NEXMIF: variants seen among roughly 807,000 people sequenced by gnomAD.
NEXMIF encodes the protein neurite extension and migration factor.
In NEXMIF, 8 loss-of-function variants were observed where a neutral mutation model predicts 62.1. That is an observed-to-expected ratio of 0.13 (90% CI 0.08 to 0.23). NEXMIF has a LOEUF of 0.23. Ranked by LOEUF, NEXMIF falls within the 10% of genes least tolerant of loss-of-function variation. NEXMIF has a pLI of 1.00. For synonymous variants in NEXMIF, 404 were observed against 416.6 expected (o/e 0.97, Z 0.37); for missense variants, 976 against 1,113.3 (o/e 0.88, Z 1.75).
At chrX:74,750,208 C>T (rs2080137936) in intron 1 of NEXMIF, among the ~76,000 whole-genome samples, 2 of 111,369 alleles carry the variant, frequency 1.8e-5, no homozygotes, top group Non-Finnish European at 3.8e-5. Flanking sequence ...CATAGGTGTG[C>T]TGTATAGACC....
At chrX:74,823,887 G>A (rs2080405870) in intron 1 of NEXMIF, among the ~76,000 whole-genome samples, 1 of 111,584 alleles carries the variant, frequency 9.0e-6, no homozygotes, top group Non-Finnish European at 1.9e-5. Context: ...CAAATTTTCT[G>A]TAAGTCCTAA....
Position 74,742,611 on chromosome X carries a change from C to T in NEXMIF, c.1946G>A (p.Ser649Asn). The change falls in exon 3 of 4, where the codon AGT (serine) becomes AAT (asparagine). Residue 649 changes from serine (S) to asparagine (N), a missense_variant. Coordinates refer to ENST00000055682, the MANE Select transcript of NEXMIF (RefSeq NM_001008537.3). ...ATTACATAATGAAATCTGTTTACTA[C>T]TTGCTGAAATTTCAATGGATGGGAT... ...QRIPSIEISA[S>N]SKQISLCNDQ... 1 of 1,211,176 alleles carries T rather than the reference C, an allele frequency of 8.3e-7. No homozygotes were observed. The highest frequency in any genetic ancestry group is 1.1e-6 in the Non-Finnish European group (1 of 895,128).
intron 1 of NEXMIF, among the ~76,000 whole-genome samples, chrX:74,899,786 G>T (rs1339977177): frequency 9.0e-6 from 1 of 111,474 alleles, no homozygotes; most frequent in Non-Finnish European, 1.9e-5. Flanking sequence ...TAATCTTGGG[G>T]GGAAAGAACA....
intron 1 of NEXMIF, among the ~76,000 whole-genome samples, chrX:74,756,537 G>C (rs1262364673): frequency 1.8e-5 from 2 of 111,252 alleles, no homozygotes; most frequent in African/African-American, 6.6e-5. Flanking sequence ...CCAGGAGCAA[G>C]GGAAAGGATA....
intron 1 of NEXMIF, among the ~76,000 whole-genome samples, chrX:74,872,243 C>G (rs1432010697): frequency 9.0e-6 from 1 of 111,065 alleles, no homozygotes; most frequent in East Asian, 2.8e-4. Context: ...GCTACTGGGC[C>G]ATAAAAAGAA....
At chrX:74,922,129 T>C (rs1465298008) in intron 1 of NEXMIF, among the ~76,000 whole-genome samples, 1 of 111,676 alleles carries the variant, frequency 9.0e-6, no homozygotes, top group East Asian at 2.8e-4. Flanking sequence ...CATCTTTGTG[T>C]GCTCCAACAC....
At chrX:74,878,587 C>A (rs982841501) in intron 1 of NEXMIF, among the ~76,000 whole-genome samples, 8 of 112,761 alleles carry the variant, frequency 7.1e-5, no homozygotes, top group Admixed American at 4.7e-4. Flanking sequence ...CCTCCCCCAG[C>A]CTCGCTGCCA....
intron 1 of NEXMIF, among the ~76,000 whole-genome samples, chrX:74,761,560 T>A (rs2080176028): frequency 9.0e-6 from 1 of 111,704 alleles, no homozygotes; most frequent in Non-Finnish European, 1.9e-5. Context: ...GTGGTGTCAG[T>A]GGTAACATCC....
At chrX:74,749,873 A>T (rs745831566) in intron 1 of NEXMIF, among the ~76,000 whole-genome samples, 17 of 112,312 alleles carry the variant, frequency 1.5e-4, no homozygotes, top group Non-Finnish European at 2.8e-4. Context: ...CATGGTATGT[A>T]CTTTATAAAA....
At chrX:74,906,314 G>A (rs1487998900) in intron 1 of NEXMIF, among the ~76,000 whole-genome samples, 1 of 110,003 alleles carries the variant, frequency 9.1e-6, no homozygotes, top group Non-Finnish European at 1.9e-5. Flanking sequence ...ATGAAAGAAC[G>A]GGTAAGAGGC....
chrX:74,771,308 A>T (rs968923334), intron 1 of NEXMIF, among the ~76,000 whole-genome samples: 4 of 110,833 alleles, frequency 3.6e-5, no homozygotes, highest in Non-Finnish European at 3.8e-5. Flanking sequence ...TCCAGCATGA[A>T]GGTGGTGGTG....
chrX:74,797,583 C>T (rs1010408249), intron 1 of NEXMIF, among the ~76,000 whole-genome samples: 1 of 111,988 alleles, frequency 8.9e-6, no homozygotes, highest in East Asian at 2.8e-4. Context: ...GGGAGGAGAA[C>T]AGTCTTCTGA....
At chrX:74,762,431 C>T (rs1231500260) in intron 1 of NEXMIF, among the ~76,000 whole-genome samples, 4 of 111,293 alleles carry the variant, frequency 3.6e-5, no homozygotes, top group African/African-American at 6.5e-5. Context: ...CATATGTGTG[C>T]GTGTGTCTTT....
intron 1 of NEXMIF, among the ~76,000 whole-genome samples, chrX:74,889,927 T>C (rs984798536): frequency 9.1e-6 from 1 of 109,718 alleles, no homozygotes; most frequent in African/African-American, 3.3e-5. Flanking sequence ...TCAAGGTTCT[T>C]CCTAACCTAA....
At chrX:74,813,430 G>C (rs1231809036) in intron 1 of NEXMIF, among the ~76,000 whole-genome samples, 1 of 111,983 alleles carries the variant, frequency 8.9e-6, no homozygotes, top group Admixed American at 9.5e-5. Flanking sequence ...TTTTCCAAGA[G>C]CTGCCCACAG....
chrX:74,840,137 G>A (rs1015900079), intron 1 of NEXMIF, among the ~76,000 whole-genome samples: 2 of 111,732 alleles, frequency 1.8e-5, no homozygotes, highest in African/African-American at 3.3e-5. Context: ...TCTCATTGTG[G>A]TTTTGATTTG....
intron 1 of NEXMIF, among the ~76,000 whole-genome samples, chrX:74,913,126 C>A (rs1453106402): frequency 8.9e-6 from 1 of 111,906 alleles, no homozygotes; most frequent in Non-Finnish European, 1.9e-5. Context: ...GGTGGCAAAA[C>A]CAGGATGAAA....
At chrX:74,837,636 T>G (rs891520204) in intron 1 of NEXMIF, among the ~76,000 whole-genome samples, 4 of 112,112 alleles carry the variant, frequency 3.6e-5, no homozygotes, top group South Asian at 7.5e-4. Context: ...CATTTCTGCA[T>G]TTTTTCCAAG....
At chrX:74,913,659 G>A (rs2080798011) in intron 1 of NEXMIF, among the ~76,000 whole-genome samples, 1 of 109,386 alleles carries the variant, frequency 9.1e-6, no homozygotes, top group Non-Finnish European at 1.9e-5. Context: ...AGCAGCAAGA[G>A]AGAAATGACA....
Sources: gnomAD v4.1 joint callset for allele counts (sites outside exome capture counted in the v4.1 genomes callset) on GRCh38, gnomAD v4.1.1 for gene constraint, MANE v1.5 for transcripts, NCBI Gene and HGNC (gene_info 2026-07-23, HGNC 2026-07-21) for gene names.